GALNT17: variants seen among roughly 807,000 people sequenced by gnomAD.
The protein encoded by GALNT17 is UDP-GalNAc:polypeptide N-acetylgalactosaminyltransferase-like 3.
A neutral mutation model predicts 63.7 loss-of-function variants in GALNT17; 29 were observed. The observed-to-expected ratio is 0.46, with a 90% CI of 0.34 to 0.62. The LOEUF is 0.62. Among genes scored for constraint, GALNT17 ranks in the 20% least tolerant of loss-of-function variants. GALNT17 has a pLI of 0.01. For missense variants in GALNT17, 603 were observed against 799.6 expected (o/e 0.75, Z 2.97); for synonymous variants, 305 against 318.3 (o/e 0.96, Z 0.45).
chr7:71,289,133 A>G (rs956200619), intron 1 of GALNT17, among the ~76,000 whole-genome samples: 12 of 151,876 alleles, frequency 7.9e-5, no homozygotes, highest in Admixed American at 2.6e-4. Flanking sequence ...CTTATTTACA[A>G]ATAGCTTAAG....
chr7:71,509,935 A>C (rs973805915), intron 5 of GALNT17, among the ~76,000 whole-genome samples: 2 of 121,540 alleles, frequency 1.6e-5, no homozygotes, highest in Non-Finnish European at 3.5e-5. Flanking sequence ...GCAATTCTCC[A>C]TTTAAAGTGT....
intron 1 of GALNT17, among the ~76,000 whole-genome samples, chr7:71,275,925 C>T (rs1279928428): frequency 6.6e-6 from 1 of 152,294 alleles, no homozygotes; most frequent in South Asian, 2.1e-4. Flanking sequence ...ATGCGATGGG[C>T]TCCTCTGCAC....
chr7:71,225,328 C>T (rs1275473781), intron 1 of GALNT17, among the ~76,000 whole-genome samples: 1 of 152,182 alleles, frequency 6.6e-6, no homozygotes, highest in Non-Finnish European at 1.5e-5. Context: ...GTAGAGCATG[C>T]ACTAGGGATT....
At chr7:71,197,140 T>C (rs1789066073) in intron 1 of GALNT17, among the ~76,000 whole-genome samples, 1 of 151,682 alleles carries the variant, frequency 6.6e-6, no homozygotes, top group Admixed American at 6.6e-5. Context: ...ACTCTTTTAG[T>C]TATTTTAAAA....
chr7:71,446,096 A>C (rs1787156254), intron 5 of GALNT17, among the ~76,000 whole-genome samples: 1 of 152,204 alleles, frequency 6.6e-6, no homozygotes, highest in African/African-American at 2.4e-5. Context: ...ATGAAATTAG[A>C]GCTCCATAAT....
intron 2 of GALNT17, among the ~76,000 whole-genome samples, chr7:71,360,140 C>G (rs1792370238): frequency 6.6e-6 from 1 of 152,160 alleles, no homozygotes; most frequent in Admixed American, 6.5e-5. Flanking sequence ...GGCCAAATAT[C>G]AACAATCTCA....
chr7:71,271,450 T>C (rs912659167), intron 1 of GALNT17, among the ~76,000 whole-genome samples: 5 of 152,246 alleles, frequency 3.3e-5, no homozygotes, highest in Non-Finnish European at 7.3e-5. Context: ...CGGTTTGTTC[T>C]GAGATAACCT....
At chr7:71,707,901 G>A (rs2117126002) in intron 9 of GALNT17, among the ~76,000 whole-genome samples, 1 of 152,284 alleles carries the variant, frequency 6.6e-6, no homozygotes, top group Admixed American at 6.5e-5. Flanking sequence ...CAAGGGATGG[G>A]GGAACAGACT....
At chr7:71,612,553 T>A (rs930344146) in intron 6 of GALNT17, among the ~76,000 whole-genome samples, 2 of 152,138 alleles carry the variant, frequency 1.3e-5, no homozygotes, top group Non-Finnish European at 2.9e-5. Context: ...ACAGCGTAGA[T>A]GAGATGTGCT....
At position 71,155,098 on chromosome 7, in the gene GALNT17, T is replaced by C. The variant is rs76155107; in HGVS notation, c.238+22058T>C. Among the ~76,000 whole-genome samples, 413 of 151,724 alleles carry C rather than the reference T, an allele frequency of 2.7e-3. 16 individuals are homozygous for C. Among genetic ancestry groups the C allele is most frequent in the African/African-American group, 9.7e-3 (400 of 41,114 alleles). ...GACAGTTGTCCTAAACCACCGAGCG[T>C]TGAGTTTATTTGGAAATGCAAGAGT... On this transcript the variant is annotated intron_variant, in intron 1 of 10. Coordinates refer to ENST00000333538, the MANE Select transcript of GALNT17 (RefSeq NM_022479.3).
chr7:71,633,422 T>C (rs995271972), intron 6 of GALNT17, among the ~76,000 whole-genome samples: 1 of 152,104 alleles, frequency 6.6e-6, no homozygotes, highest in Admixed American at 6.5e-5. Context: ...CCGGGATAGC[T>C]CTCCTGTCGG....
chr7:71,404,650 G>T (rs959377194), intron 3 of GALNT17, among the ~76,000 whole-genome samples: 1 of 152,178 alleles, frequency 6.6e-6, no homozygotes, highest in African/African-American at 2.4e-5. Context: ...AGACAGATGG[G>T]CCCATGCCAT....
chr7:71,199,849 G>C (rs1002356136), intron 1 of GALNT17, among the ~76,000 whole-genome samples: 6 of 152,086 alleles, frequency 3.9e-5, no homozygotes, highest in African/African-American at 1.4e-4. Flanking sequence ...AGACTATAGA[G>C]ATATAAAGAA....
chr7:71,368,383 T>C (rs1253602122), intron 2 of GALNT17, among the ~76,000 whole-genome samples: 1 of 152,194 alleles, frequency 6.6e-6, no homozygotes. Flanking sequence ...TTCTCTCCTC[T>C]GTTTTTACAC....
chr7:71,375,774 C>T (rs1262665261), intron 2 of GALNT17, among the ~76,000 whole-genome samples: 1 of 152,164 alleles, frequency 6.6e-6, no homozygotes, highest in Admixed American at 6.5e-5. Flanking sequence ...GTGGCTCATG[C>T]CTGTAATCCC....
At chr7:71,379,979 T>A (rs113132873) in intron 2 of GALNT17, among the ~76,000 whole-genome samples, 1,914 of 152,108 alleles carry the variant, frequency 0.013, 42 homozygotes, top group African/African-American at 0.044. Context: ...CCAAGGAAGA[T>A]CCCAGAGGAG....
chr7:71,700,703 C>T (rs925784422), intron 9 of GALNT17, among the ~76,000 whole-genome samples: 4 of 152,198 alleles, frequency 2.6e-5, no homozygotes, highest in Admixed American at 6.5e-5. Context: ...AGTTGGCTGA[C>T]TCCATCAGGG....
At chr7:71,197,192 C>CTTTTTTTT (rs34276195) in intron 1 of GALNT17, among the ~76,000 whole-genome samples, 110 of 69,806 alleles carry the variant, frequency 1.6e-3, no homozygotes, top group Non-Finnish European at 2.1e-3. Context: ...CCCTGTTGTG[C>CTTTTTTTT]TTTTTTTTTT....
intron 1 of GALNT17, among the ~76,000 whole-genome samples, chr7:71,137,194 C>T (rs1787801036): frequency 6.7e-6 from 1 of 149,034 alleles, no homozygotes; most frequent in Non-Finnish European, 1.5e-5. Flanking sequence ...GGCTGGAGCG[C>T]AGTGGCGCGA....
Sources: allele counts gnomAD v4.1 joint callset (sites outside exome capture counted in the v4.1 genomes callset), GRCh38; gene constraint gnomAD v4.1.1; transcripts MANE v1.5; gene names NCBI Gene and HGNC (gene_info 2026-07-23, HGNC 2026-07-21).